The following FUT8 variants were observed in gnomAD, a reference collection of about 807,000 sequenced individuals.
The protein encoded by FUT8 is alpha-(1,6)-fucosyltransferase.
In FUT8, 29 loss-of-function variants were observed where a neutral mutation model predicts 71.3. The observed-to-expected ratio is 0.41, with a 90% CI of 0.30 to 0.55. The LOEUF is 0.55. FUT8 is among the 20% of genes least tolerant of loss of function. The probability of loss-of-function intolerance (pLI) is 0.34; values close to 1 mark genes in which losing one functional copy is unlikely to be tolerated. For synonymous variants in FUT8, 254 were observed against 239.3 expected (o/e 1.06, Z -0.57); for missense variants, 544 against 702.1 (o/e 0.77, Z 2.55).
At chr14:65,624,639 C>T (rs1016725798) in intron 5 of FUT8, among the ~76,000 whole-genome samples, 3 of 152,248 alleles carry the variant, frequency 2.0e-5, no homozygotes, top group Non-Finnish European at 2.9e-5. Flanking sequence ...CCTGTGCATT[C>T]GTGCACCCAT....
chr14:65,693,935 G>T (rs528866498), intron 7 of FUT8, among the ~76,000 whole-genome samples: 3 of 152,200 alleles, frequency 2.0e-5, no homozygotes, highest in African/African-American at 4.8e-5. Context: ...ATCTTTCAAA[G>T]AATTGGTTCA....
At chr14:65,575,040 C>T (rs578115831) in intron 3 of FUT8, among the ~76,000 whole-genome samples, 14 of 151,876 alleles carry the variant, frequency 9.2e-5, no homozygotes, top group Middle Eastern at 3.4e-3. Context: ...TCGTATAAAG[C>T]GAATTCTTTT....
At chr14:65,630,919 TTAAAG>T (rs1337404851) in intron 6 of FUT8, among the ~76,000 whole-genome samples, 6 of 152,218 alleles carry the variant, frequency 3.9e-5, no homozygotes, top group Non-Finnish European at 8.8e-5. Context: ...CCCTGTAAAA[TTAAAG>T]TATTGTATAA....
chr14:65,617,202 T>G, intron 5 of FUT8: 1 of 1,524,792 alleles, frequency 6.6e-7, no homozygotes, highest in Non-Finnish European at 8.7e-7. Flanking sequence ...GTAAGAGATT[T>G]CATATTTATT....
rs549108469 is a variant in FUT8 at position 65,477,978 on chromosome 14, A to G, written c.-228+22260A>G. On this transcript the variant is annotated intron_variant, in intron 2 of 10. Coordinates refer to ENST00000673929, the MANE Select transcript of FUT8 (RefSeq NM_001371533.1). ...CAGAAACTAATATAGCCAAGTCTAG[A>G]TTGTATCTGTTATAAACTCTTTAAT... 2.6e-5 allele frequency among the ~76,000 whole-genome samples: 4 copies of G among 152,162 alleles called. No individual in the cohort carries two copies. In the South Asian group the frequency reaches 8.3e-4, roughly 32 times the overall value.
the FUT8 span, among the ~76,000 whole-genome samples, chr14:65,389,949 T>C: frequency 6.6e-6 from 1 of 151,122 alleles, no homozygotes; most frequent in South Asian, 2.1e-4. Context: ...GAGACCATCC[T>C]GGCCAACATG....
intron 1 of FUT8, among the ~76,000 whole-genome samples, chr14:65,420,969 C>T (rs552878963): frequency 5.3e-5 from 8 of 151,998 alleles, no homozygotes; most frequent in East Asian, 1.9e-4. Context: ...CCAAGGTGGG[C>T]GGATCTTGAG....
intron 2 of FUT8, among the ~76,000 whole-genome samples, chr14:65,498,225 C>T (rs2066590414): frequency 6.6e-6 from 1 of 152,178 alleles, no homozygotes; most frequent in Admixed American, 6.6e-5. Flanking sequence ...CAGTGCTTCA[C>T]ATGACCTTAT....
At chr14:65,677,062 A>G (rs17102844) in intron 7 of FUT8, among the ~76,000 whole-genome samples, 9,327 of 151,516 alleles carry the variant, frequency 0.062, 514 homozygotes, top group African/African-American at 0.14. Flanking sequence ...TTACTCAGTA[A>G]GAAAGTTCTA....
At chr14:65,432,393 CTTTTTTT>C (rs5809274) in intron 1 of FUT8, among the ~76,000 whole-genome samples, 1 of 144,322 alleles carries the variant, frequency 6.9e-6, no homozygotes, top group Admixed American at 6.9e-5. Context: ...TTCTACTTTC[CTTTTTTT>C]TTTTTTTAAA....
intron 3 of FUT8, among the ~76,000 whole-genome samples, chr14:65,610,539 A>G: frequency 6.6e-6 from 1 of 151,552 alleles, no homozygotes. Flanking sequence ...ACAGGCATGC[A>G]CCACCATGCC....
the FUT8 span, among the ~76,000 whole-genome samples, chr14:65,399,273 C>T: frequency 2.9e-3 from 448 of 152,222 alleles, 5 homozygotes; most frequent in African/African-American, 0.01. Context: ...GCCGCGATCG[C>T]GCCACTGCAC....
intron 3 of FUT8, among the ~76,000 whole-genome samples, chr14:65,569,130 G>A (rs1886347826): frequency 6.6e-6 from 1 of 151,246 alleles, no homozygotes; most frequent in African/African-American, 2.4e-5. Flanking sequence ...CTTTGGCTGA[G>A]TTTACTTTTT....
chr14:65,531,066 A>G (rs531152509), intron 2 of FUT8, among the ~76,000 whole-genome samples: 46 of 151,302 alleles, frequency 3.0e-4, no homozygotes, highest in African/African-American at 1.0e-3. Context: ...TACTCTTTCA[A>G]ATTCCTTCAA....
In FUT8 at chr14:65,743,952, C is replaced by T. The variant is rs906709732; in HGVS notation, c.*1542C>T. The T allele has an allele frequency of 5.3e-5, 8 of 151,822 alleles. No individual in the cohort carries two copies. The highest frequency in any genetic ancestry group is 2.1e-4 in the South Asian group (1 of 4,816). The allele number at this position is 151,822 out of a possible 1,614,324, so 9.4% of individuals were successfully genotyped here. The stretch of plus-strand genomic sequence containing the variant: ...AGGCAGAAGAGCTATTAGTCCTGGC[C>T]TTCATATCTTCACCAAATGAAAATA... On this transcript the variant is annotated 3_prime_UTR_variant, in exon 11 of 11. Coordinates refer to ENST00000673929, the MANE Select transcript of FUT8 (RefSeq NM_001371533.1).
chr14:65,358,243 C>T, the FUT8 span, among the ~76,000 whole-genome samples: 2 of 151,992 alleles, frequency 1.3e-5, no homozygotes, highest in Non-Finnish European at 2.9e-5. Context: ...ATAGTAATTA[C>T]CTTGAGTTGA....
At chr14:65,648,546 A>G (rs1262016416) in intron 6 of FUT8, among the ~76,000 whole-genome samples, 1 of 152,218 alleles carries the variant, frequency 6.6e-6, no homozygotes, top group Admixed American at 6.5e-5. Flanking sequence ...ACTGACCACC[A>G]TTTGTTTGCC....
At chr14:65,384,108 A>G in the FUT8 span, among the ~76,000 whole-genome samples, 2 of 152,174 alleles carry the variant, frequency 1.3e-5, no homozygotes, top group Non-Finnish European at 2.9e-5. The surrounding 1 kb of genome is among the most constrained non-coding windows in gnomAD (Gnocchi z 4.2). Context: ...ACCAGAAGCC[A>G]ATGAACCACC....
At chr14:65,655,441 A>C (rs1179307603) in intron 6 of FUT8, among the ~76,000 whole-genome samples, 1 of 150,300 alleles carries the variant, frequency 6.7e-6, no homozygotes, top group African/African-American at 2.5e-5. Context: ...ACGCCGCTGC[A>C]CTTTAGCCTG....
Sources: allele counts gnomAD v4.1 joint callset (sites outside exome capture counted in the v4.1 genomes callset), GRCh38; gene constraint gnomAD v4.1.1; non-coding constraint Gnocchi (gnomAD v3.1); transcripts MANE v1.5; gene names NCBI Gene and HGNC (gene_info 2026-07-23, HGNC 2026-07-21).